MDGA2: variants seen among roughly 807,000 people sequenced by gnomAD.
The protein encoded by MDGA2 is MAM domain-containing glycosylphosphatidylinositol anchor protein 2.
In MDGA2, 40 loss-of-function variants were observed where a neutral mutation model predicts 117.8. The observed-to-expected ratio is 0.34, with a 90% CI of 0.26 to 0.44. The LOEUF is 0.44. Among genes scored for constraint, MDGA2 ranks in the 20% least tolerant of loss-of-function variants. The pLI, the probability that MDGA2 is intolerant of heterozygous loss-of-function variation, is 1.00. For synonymous variants in MDGA2, 452 were observed against 439.0 expected, an observed-to-expected ratio of 1.03 and a Z score of -0.37; for missense variants, 1,123 against 1,250.6, an observed-to-expected ratio of 0.90 and a Z score of 1.54.
intron 1 of MDGA2, among the ~76,000 whole-genome samples, chr14:47,582,259 C>T (rs758993173): frequency 7.2e-5 from 11 of 151,832 alleles, no homozygotes; most frequent in East Asian, 3.9e-4. Context: ...GCTCTTCCAA[C>T]GGCCAGTCCT....
chr14:47,169,703 T>C lies in MDGA2; in HGVS notation c.596-25429A>G, dbSNP rs538134058. Among the ~76,000 whole-genome samples the C allele has an allele frequency of 1.2e-4, 18 of 152,212 alleles. No individual in the cohort carries two copies. In the Middle Eastern group the frequency reaches 0.01, roughly 86 times the overall value. On this transcript the variant is annotated intron_variant, in intron 3 of 16. Coordinates refer to ENST00000399232, the MANE Select transcript of MDGA2 (RefSeq NM_001113498.3). ...GATTTTTATATTTACTAATAATACA[T>C]AATCAGTTTTTCTACTTGACAGTTA...
chr14:47,251,934 T>G (rs1268044308), intron 2 of MDGA2, among the ~76,000 whole-genome samples: 1 of 150,902 alleles, frequency 6.6e-6, no homozygotes, highest in Non-Finnish European at 1.5e-5. Flanking sequence ...TTCTCTTGTA[T>G]TATTATTATT....
intron 1 of MDGA2, among the ~76,000 whole-genome samples, chr14:47,487,594 G>C (rs969228345): frequency 6.6e-6 from 1 of 152,022 alleles, no homozygotes; most frequent in Non-Finnish European, 1.5e-5. Flanking sequence ...TTATTATTAT[G>C]TCATCTAAAT....
At chr14:47,377,575 T>C (rs553133148) in intron 1 of MDGA2, among the ~76,000 whole-genome samples, 2 of 152,250 alleles carry the variant, frequency 1.3e-5, no homozygotes, top group Admixed American at 1.3e-4. Flanking sequence ...ATCCCATGCA[T>C]GGCTTTGAGG....
chr14:47,624,454 T>A (rs1897105254), intron 1 of MDGA2, among the ~76,000 whole-genome samples: 1 of 152,158 alleles, frequency 6.6e-6, no homozygotes, highest in Non-Finnish European at 1.5e-5. Context: ...CGAGACTCCA[T>A]CTCAAATAAG....
At chr14:47,082,655 C>G (rs922496007) in intron 6 of MDGA2, among the ~76,000 whole-genome samples, 4 of 151,556 alleles carry the variant, frequency 2.6e-5, no homozygotes, top group African/African-American at 9.7e-5. Flanking sequence ...AATCCTGAGC[C>G]GGTTTTTCAT....
intron 8 of MDGA2, among the ~76,000 whole-genome samples, chr14:47,002,783 G>A (rs1887578779): frequency 6.6e-6 from 1 of 151,976 alleles, no homozygotes; most frequent in African/African-American, 2.4e-5. Flanking sequence ...ATAAATTAAT[G>A]ATATTTTTAG....
intron 2 of MDGA2, among the ~76,000 whole-genome samples, chr14:47,265,383 C>A (rs143991543): frequency 3.3e-5 from 5 of 152,174 alleles, no homozygotes; most frequent in African/African-American, 1.2e-4. Context: ...GGCTCTAGCA[C>A]ATCACTCCCT....
intron 15 of MDGA2, among the ~76,000 whole-genome samples, chr14:46,854,234 T>C (rs1479530448): frequency 6.6e-6 from 1 of 151,836 alleles, no homozygotes; most frequent in Non-Finnish European, 1.5e-5. Flanking sequence ...TATAATGTCA[T>C]GAAATAGATT....
intron 1 of MDGA2, among the ~76,000 whole-genome samples, chr14:47,334,431 G>T (rs937390010): frequency 6.6e-6 from 1 of 151,878 alleles, no homozygotes; most frequent in East Asian, 1.9e-4. Context: ...TTTACTACTT[G>T]CACGATCACA....
At chr14:47,260,174 A>G (rs1161440941) in intron 2 of MDGA2, among the ~76,000 whole-genome samples, 1 of 152,124 alleles carries the variant, frequency 6.6e-6, no homozygotes, top group Non-Finnish European at 1.5e-5. Flanking sequence ...ACCTGCCTGG[A>G]GAAAATGGGT....
At chr14:47,616,311 C>A (rs911821053) in intron 1 of MDGA2, among the ~76,000 whole-genome samples, 5 of 152,138 alleles carry the variant, frequency 3.3e-5, no homozygotes, top group African/African-American at 1.2e-4. Context: ...AGAAGAGATA[C>A]GTTAACAGTG....
In MDGA2 at chr14:47,248,835, T is replaced by C. The variant is rs560296784; in HGVS notation, c.421-30640A>G. 9.9e-5 allele frequency among the ~76,000 whole-genome samples: 15 copies of C among 152,280 alleles called. No homozygotes were observed. The East Asian group carries it at 2.3e-3, about 24-fold the overall frequency. On this transcript the variant is annotated intron_variant, in intron 2 of 16. Coordinates refer to ENST00000399232, the MANE Select transcript of MDGA2 (RefSeq NM_001113498.3). ...TTGATTTGAAAAAAAATTCAATTAA[T>C]GCTGCTATAAGAACTCAGAAAAAAA... is the stretch of plus-strand genomic sequence containing the variant.
chr14:47,155,930 T>C (rs1883365990), intron 3 of MDGA2, among the ~76,000 whole-genome samples: 1 of 107,930 alleles, frequency 9.3e-6, no homozygotes, highest in Non-Finnish European at 1.8e-5. Flanking sequence ...TTTTTTTTTT[T>C]TGAGACAGAG....
At chr14:47,469,453 C>T (rs1893674243) in intron 1 of MDGA2, among the ~76,000 whole-genome samples, 1 of 152,176 alleles carries the variant, frequency 6.6e-6, no homozygotes, top group Admixed American at 6.5e-5. Context: ...TGGTTTCCAG[C>T]TTCATCCATG....
intron 1 of MDGA2, among the ~76,000 whole-genome samples, chr14:47,430,322 T>C (rs929260934): frequency 6.6e-6 from 1 of 152,028 alleles, no homozygotes; most frequent in African/African-American, 2.4e-5. Flanking sequence ...CAATTCTTTT[T>C]GTTTGTTTGT....
chr14:47,440,363 A>G (rs770278623), intron 1 of MDGA2, among the ~76,000 whole-genome samples: 3 of 152,156 alleles, frequency 2.0e-5, no homozygotes, highest in Non-Finnish European at 4.4e-5. Flanking sequence ...GACTTTGTTT[A>G]TCTCACATCC....
At chr14:47,032,353 G>A (rs550282220) in intron 8 of MDGA2, among the ~76,000 whole-genome samples, 4 of 152,170 alleles carry the variant, frequency 2.6e-5, no homozygotes, top group East Asian at 1.9e-4. Flanking sequence ...TTGGGAGGCC[G>A]AGGCAGGAAG....
intron 9 of MDGA2, among the ~76,000 whole-genome samples, chr14:46,930,917 T>A (rs527821334): frequency 6.6e-6 from 1 of 152,108 alleles, no homozygotes; most frequent in East Asian, 1.9e-4. Flanking sequence ...AAACTCTTTT[T>A]AAAAATCTCA....
Sources: gnomAD v4.1 joint callset for allele counts (sites outside exome capture counted in the v4.1 genomes callset) on GRCh38, gnomAD v4.1.1 for gene constraint, MANE v1.5 for transcripts, NCBI Gene and HGNC (gene_info 2026-07-23, HGNC 2026-07-21) for gene names.